Variants in TRAK1 observed in about 807,000 individuals in gnomAD.
The protein encoded by TRAK1 is trafficking kinesin-binding protein 1.
A neutral mutation model predicts 92.1 loss-of-function variants in TRAK1; 33 were observed. The ratio of observed to expected loss-of-function variants is 0.36; its 90% CI spans 0.27 to 0.48. The LOEUF (loss-of-function observed/expected upper bound fraction) is 0.48. Among genes scored for constraint, TRAK1 ranks in the 20% least tolerant of loss-of-function variants. The probability of loss-of-function intolerance (pLI) is 0.99; values close to 1 mark genes in which losing one functional copy is unlikely to be tolerated. For synonymous variants in TRAK1, 521 were observed against 517.3 expected, an observed-to-expected ratio of 1.01 and a Z score of -0.10; for missense variants, 1,123 against 1,257.9, an observed-to-expected ratio of 0.89 and a Z score of 1.62.
At chr3:42,013,191 T>C (rs1324877007), upstream of TRAK1, among the ~76,000 whole-genome samples, 1 of 152,080 alleles carries the variant, frequency 6.6e-6, no homozygotes, top group Non-Finnish European at 1.5e-5. The surrounding 1 kb of genome is among the most constrained non-coding windows in gnomAD (Gnocchi z 5.1). Context: ...CTTCCCCCCG[T>C]CCCCGGCTCC....
chr3:42,096,843 C>T (rs1449123272), intron 1 of TRAK1, among the ~76,000 whole-genome samples: 3 of 152,170 alleles, frequency 2.0e-5, no homozygotes, highest in Admixed American at 6.5e-5. Flanking sequence ...TAAATGGTGC[C>T]TCAAGCACCA....
intron 1 of TRAK1, among the ~76,000 whole-genome samples, chr3:42,081,436 C>T (rs555817308): frequency 6.6e-6 from 1 of 152,266 alleles, no homozygotes; most frequent in African/African-American, 2.4e-5. Context: ...GCACCAAACC[C>T]CTTCTTTCAT....
At chr3:42,078,359 C>T (rs1377898635) in intron 1 of TRAK1, among the ~76,000 whole-genome samples, 1 of 152,148 alleles carries the variant, frequency 6.6e-6, no homozygotes, top group Non-Finnish European at 1.5e-5. Flanking sequence ...AACTATTAAT[C>T]CCTTGACCTT....
rs1365100394 is a variant in TRAK1, at chr3:42,202,775, CCT to C, written c.1744+28_1744+29del. ...AAGGTGATCACGCGGGGCCTCGGCC[CCT>C]CTCTGTCCTCCTGGGGGACTCCCTT... On this transcript the variant is annotated intron_variant, in intron 13 of 15. Coordinates refer to ENST00000327628, the MANE Select transcript of TRAK1 (RefSeq NM_001042646.3). This position sits in a 1 kb window ranked among gnomAD's most constrained non-coding sequence, Gnocchi z 6.1. 2 of 1,611,766 alleles carry C rather than the reference CCT, an allele frequency of 1.2e-6. No homozygotes were observed. The highest frequency in any genetic ancestry group is 1.7e-5 in the Admixed American group (1 of 59,972).
intron 1 of TRAK1, among the ~76,000 whole-genome samples, chr3:42,025,259 A>G (rs905436101): frequency 6.6e-6 from 1 of 152,074 alleles, no homozygotes; most frequent in African/African-American, 2.4e-5. Context: ...AGGGGCCTGT[A>G]CCTCAGACCC....
intron 4 of TRAK1, among the ~76,000 whole-genome samples, chr3:42,186,970 A>G (rs1704972056): frequency 3.3e-5 from 5 of 152,226 alleles, no homozygotes; most frequent in Admixed American, 3.3e-4. Context: ...ACGTAACTGC[A>G]ATTCTTCTTA....
rs568733735 is a variant in TRAK1, at chr3:42,204,382, G to T, written c.1744+1630G>T. ...TGTCTTTTAATTTTGTGACTTGGCA[G>T]TATTTTTGTGATTAGTTAATAGGAT... is the stretch of plus-strand genomic sequence containing the variant. On this transcript the variant is annotated intron_variant, in intron 13 of 15. Coordinates refer to ENST00000327628, the MANE Select transcript of TRAK1 (RefSeq NM_001042646.3). Among the ~76,000 whole-genome samples, 5 of 152,306 alleles carry T rather than the reference G, an allele frequency of 3.3e-5. No homozygotes were observed. In the South Asian group the frequency reaches 1.0e-3, roughly 32 times the overall value.
chr3:42,014,458 A>G (rs1235179184), intron 1 of TRAK1, among the ~76,000 whole-genome samples: 1 of 152,170 alleles, frequency 6.6e-6, no homozygotes, highest in African/African-American at 2.4e-5. Flanking sequence ...TGAAAATGAC[A>G]TCATCTGAGC....
chr3:42,051,041 T>C (rs1702958513), intron 1 of TRAK1: 1 of 152,252 alleles, frequency 6.6e-6, no homozygotes, highest in Non-Finnish European at 1.5e-5. Context: ...TTAAATTTTA[T>C]TATTTTTTGT....
At chr3:42,175,520 G>A (rs1703100758) in intron 2 of TRAK1, among the ~76,000 whole-genome samples, 1 of 152,176 alleles carries the variant, frequency 6.6e-6, no homozygotes, top group Non-Finnish European at 1.5e-5. Context: ...TCATGAAAGT[G>A]TTGGGTGGAG....
At chr3:42,124,726 A>T (rs1710339304) in intron 1 of TRAK1, among the ~76,000 whole-genome samples, 1 of 152,228 alleles carries the variant, frequency 6.6e-6, no homozygotes, top group Non-Finnish European at 1.5e-5. Flanking sequence ...TGAAGTTCTG[A>T]CAAAATGGCA....
chr3:42,108,402 A>T (rs563373866), intron 1 of TRAK1, among the ~76,000 whole-genome samples: 1 of 151,816 alleles, frequency 6.6e-6, no homozygotes, highest in South Asian at 2.1e-4. Context: ...GAGGTGGGAA[A>T]ATCATCTGAG....
upstream of TRAK1, among the ~76,000 whole-genome samples, chr3:42,090,027 A>G (rs1204385989): frequency 6.6e-6 from 1 of 152,264 alleles, no homozygotes; most frequent in Non-Finnish European, 1.5e-5. Context: ...AGTTGCATCC[A>G]GGTCTGTAGG....
chr3:42,088,881 T>C (rs1215609889), upstream of TRAK1, among the ~76,000 whole-genome samples: 1 of 152,212 alleles, frequency 6.6e-6, no homozygotes, highest in East Asian at 1.9e-4. Flanking sequence ...TTTCCGCCTC[T>C]TTGCTCTTAT....
At position 42,223,760 on chromosome 3, in the gene TRAK1, C is replaced by A; in HGVS notation, c.*23C>A. 1 of 1,576,032 alleles carries A rather than the reference C, an allele frequency of 6.3e-7. No individual in the cohort carries two copies. Among genetic ancestry groups the A allele is most frequent in the East Asian group, 2.3e-5 (1 of 44,042 alleles). ...TGAGGACTGGAGGGGGGCCGGTTGC[C>A]CTAGAGGAGACCCACGTTCTCCTCT... On this transcript the variant is annotated 3_prime_UTR_variant, in exon 16 of 16. Coordinates refer to ENST00000327628, the MANE Select transcript of TRAK1 (RefSeq NM_001042646.3). This position sits in a 1 kb window ranked among gnomAD's most constrained non-coding sequence, Gnocchi z 6.1.
At chr3:42,113,843 T>C (rs1708812060) in intron 1 of TRAK1, among the ~76,000 whole-genome samples, 1 of 152,228 alleles carries the variant, frequency 6.6e-6, no homozygotes. Flanking sequence ...CGTGAGCCAC[T>C]GGGCTGGGCC....
At chr3:42,039,431 T>G (rs1182294934) in intron 1 of TRAK1, among the ~76,000 whole-genome samples, 2 of 152,212 alleles carry the variant, frequency 1.3e-5, no homozygotes, top group African/African-American at 2.4e-5. Context: ...TGGCGTGATC[T>G]CAGCTTACTG....
intron 4 of TRAK1, among the ~76,000 whole-genome samples, chr3:42,186,106 C>G (rs1704812207): frequency 6.6e-6 from 1 of 151,542 alleles, no homozygotes; most frequent in Non-Finnish European, 1.5e-5. Context: ...CCTCAGCCTC[C>G]TGAGTAGCTG....
chr3:42,170,824 C>CTTTT (rs772908047), intron 2 of TRAK1, among the ~76,000 whole-genome samples: 1 of 139,650 alleles, frequency 7.2e-6, no homozygotes, highest in African/African-American at 2.6e-5. Flanking sequence ...TCTTGAATAT[C>CTTTT]TTTTTTTTTT....
Sources: allele counts gnomAD v4.1 joint callset (sites outside exome capture counted in the v4.1 genomes callset), GRCh38; gene constraint gnomAD v4.1.1; non-coding constraint Gnocchi (gnomAD v3.1); transcripts MANE v1.5; gene names NCBI Gene and HGNC (gene_info 2026-07-23, HGNC 2026-07-21).